TMCC1: variants seen among roughly 807,000 people sequenced by gnomAD.
TMCC1 encodes transmembrane and coiled-coil domain family 1, also known as transmembrane and coiled-coil domains protein 1.
TMCC1 carries 15 observed loss-of-function variants against 52.4 expected under a neutral mutation model. The ratio of observed to expected loss-of-function variants is 0.29; its 90% CI spans 0.19 to 0.44. The LOEUF (loss-of-function observed/expected upper bound fraction) is 0.44, where lower values mean the gene tolerates loss of function less well. Among genes scored for constraint, TMCC1 ranks in the 20% least tolerant of loss-of-function variants. The pLI, the probability that TMCC1 is intolerant of heterozygous loss-of-function variation, is 1.00. For synonymous variants in TMCC1, 279 were observed against 301.9 expected, an observed-to-expected ratio of 0.92 and a Z score of 0.79; for missense variants, 503 against 806.0, an observed-to-expected ratio of 0.62 and a Z score of 4.55.
chr3:129,700,771 A>G (rs996040394), intron 4 of TMCC1, among the ~76,000 whole-genome samples: 8 of 151,198 alleles, frequency 5.3e-5, no homozygotes, highest in African/African-American at 1.7e-4. Flanking sequence ...CACTGCGCCC[A>G]GCCAAAAAAA....
At chr3:129,807,818 G>C (rs2057548412) in intron 4 of TMCC1, among the ~76,000 whole-genome samples, 1 of 152,104 alleles carries the variant, frequency 6.6e-6, no homozygotes, top group Non-Finnish European at 1.5e-5. Context: ...TATCTTCCAT[G>C]CACCCTTATT....
At chr3:129,785,586 A>ACAC (rs2055950291) in intron 4 of TMCC1, among the ~76,000 whole-genome samples, 3 of 128,278 alleles carry the variant, frequency 2.3e-5, no homozygotes. Context: ...CACACACACA[A>ACAC]ACACACACAC....
chr3:129,806,237 T>C (rs1442577711), intron 4 of TMCC1, among the ~76,000 whole-genome samples: 3 of 152,064 alleles, frequency 2.0e-5, no homozygotes, highest in African/African-American at 4.8e-5. Context: ...AATTGAATAA[T>C]AAAAGGCATA....
At chr3:129,810,763 A>G (rs978420950) in intron 4 of TMCC1, among the ~76,000 whole-genome samples, 2 of 152,260 alleles carry the variant, frequency 1.3e-5, no homozygotes, top group Non-Finnish European at 2.9e-5. Flanking sequence ...CACATTTACA[A>G]CAACAAAATT....
chr3:129,690,486 A>AT (rs1403990985), intron 4 of TMCC1, among the ~76,000 whole-genome samples: 1 of 152,188 alleles, frequency 6.6e-6, no homozygotes, highest in Non-Finnish European at 1.5e-5. Context: ...GCACTCACTG[A>AT]TATTTCCAGT....
At chr3:129,823,082 T>G (rs2058494265) in intron 4 of TMCC1, among the ~76,000 whole-genome samples, 1 of 152,180 alleles carries the variant, frequency 6.6e-6, no homozygotes, top group Non-Finnish European at 1.5e-5. Flanking sequence ...TCTCAGCACT[T>G]TGAGAGGCTG....
At chr3:129,835,924 A>G (rs543202699) in intron 2 of TMCC1, among the ~76,000 whole-genome samples, 2 of 152,332 alleles carry the variant, frequency 1.3e-5, no homozygotes, top group South Asian at 4.1e-4. Context: ...ATAAATTCAA[A>G]TAACTCAGTA....
chr3:129,721,685 C>T (rs2049600853), intron 4 of TMCC1, among the ~76,000 whole-genome samples: 2 of 148,374 alleles, frequency 1.3e-5, no homozygotes, highest in Admixed American at 1.3e-4. Context: ...ACCGTGAAAC[C>T]CCAACTCTAC....
chr3:129,813,613 G>A (rs753016659), intron 4 of TMCC1, among the ~76,000 whole-genome samples: 1 of 152,072 alleles, frequency 6.6e-6, no homozygotes, highest in African/African-American at 2.4e-5. Context: ...TGGACACAAA[G>A]AAGGGAACAA....
At chr3:129,867,520 C>T (rs539608481) in intron 2 of TMCC1, among the ~76,000 whole-genome samples, 2 of 152,120 alleles carry the variant, frequency 1.3e-5, no homozygotes, top group Admixed American at 6.6e-5. Flanking sequence ...TTAACAATAC[C>T]ATTAGTATTC....
chr3:129,717,709 T>A (rs1223261530), intron 4 of TMCC1, among the ~76,000 whole-genome samples: 1 of 152,216 alleles, frequency 6.6e-6, no homozygotes, highest in South Asian at 2.1e-4. Flanking sequence ...TCTGTTAGCA[T>A]CGCCTTCAAA....
At chr3:129,707,420 T>G (rs2048329393) in intron 4 of TMCC1, among the ~76,000 whole-genome samples, 1 of 152,122 alleles carries the variant, frequency 6.6e-6, no homozygotes, top group African/African-American at 2.4e-5. Flanking sequence ...AAATTAAAAT[T>G]AGGAGACAAA....
intron 2 of TMCC1, among the ~76,000 whole-genome samples, chr3:129,841,308 C>T (rs562428240): frequency 3.3e-4 from 51 of 152,292 alleles, no homozygotes; most frequent in African/African-American, 1.2e-3. Context: ...TACTGTCAGC[C>T]GGGGACAGTG....
At chr3:129,655,324 T>C (rs867045595) in intron 5 of TMCC1, among the ~76,000 whole-genome samples, 7 of 152,208 alleles carry the variant, frequency 4.6e-5, no homozygotes, top group Non-Finnish European at 7.3e-5. Flanking sequence ...TGTTCCATAA[T>C]CTTTTCAATA....
intron 4 of TMCC1, among the ~76,000 whole-genome samples, chr3:129,806,520 T>G (rs555297075): frequency 3.3e-5 from 5 of 152,194 alleles, no homozygotes; most frequent in Non-Finnish European, 7.3e-5. Flanking sequence ...CTGAAGGGCC[T>G]TGCAATAAAC....
At chr3:129,851,834 T>C (rs773324308) in intron 2 of TMCC1, among the ~76,000 whole-genome samples, 1 of 152,202 alleles carries the variant, frequency 6.6e-6, no homozygotes, top group African/African-American at 2.4e-5. Context: ...ATACATACCA[T>C]GGAATGTTAT....
chr3:129,689,406 C>T (rs2089639332), intron 4 of TMCC1, among the ~76,000 whole-genome samples: 1 of 152,174 alleles, frequency 6.6e-6, no homozygotes, highest in South Asian at 2.1e-4. Context: ...TTGTGGGGAA[C>T]ACACATAGGA....
At chr3:129,727,122 A>G (rs2050169409) in intron 4 of TMCC1, among the ~76,000 whole-genome samples, 1 of 152,064 alleles carries the variant, frequency 6.6e-6, no homozygotes, top group African/African-American at 2.4e-5. Context: ...TTGTATGAAA[A>G]CAATGGAACA....
At chr3:129,753,106 T>G (rs1310670141) in intron 4 of TMCC1, among the ~76,000 whole-genome samples, 1 of 152,178 alleles carries the variant, frequency 6.6e-6, no homozygotes, top group East Asian at 1.9e-4. Flanking sequence ...GACATGAGAT[T>G]TAGGTGGGGA....
Sources: allele counts gnomAD v4.1 joint callset (sites outside exome capture counted in the v4.1 genomes callset), GRCh38; gene constraint gnomAD v4.1.1; transcripts MANE v1.5; gene names NCBI Gene and HGNC (gene_info 2026-07-23, HGNC 2026-07-21).